VPS9D1: variants seen among roughly 807,000 people sequenced by gnomAD.
VPS9D1 encodes VPS9 domain containing 1, also known as VPS9 domain-containing protein 1.
A neutral mutation model predicts 75.8 loss-of-function variants in VPS9D1; 78 were observed. The observed-to-expected ratio is 1.03, with a 90% CI of 0.86 to 1.24. The LOEUF is 1.24. Among genes scored for constraint, VPS9D1 ranks in the 50% most tolerant of loss-of-function variants. The pLI, the probability that VPS9D1 is intolerant of heterozygous loss-of-function variation, is 0.00. For missense variants in VPS9D1, 1,057 were observed against 847.7 expected (o/e 1.25, Z -3.07); for synonymous variants, 481 against 385.6 (o/e 1.25, Z -2.90).
intron 1 of VPS9D1, 184 bp downstream of exon 1, chr16:89,720,579 C>G: frequency 8.2e-7 from 1 of 1,218,950 alleles, no homozygotes; most frequent in Non-Finnish European, 1.0e-6. Context: ...CTGAGCTGTC[C>G]AAGGTCACTG....
At chr16:89,710,465 TG>T in intron 10 of VPS9D1, 120 bp downstream of exon 10, 3 of 1,090,432 alleles carry the variant, frequency 2.8e-6, no homozygotes, top group Admixed American at 2.9e-5. Context: ...GTGAGCTGGG[TG>T]GATGTAAGTC....
At chr16:89,720,412 T>C in intron 1 of VPS9D1, 1 of 1,016,784 alleles carries the variant, frequency 9.8e-7, no homozygotes, top group Non-Finnish European at 1.2e-6. Flanking sequence ...ATCTACCATC[T>C]CTGCCCAGAA....
At position 89,711,020 on chromosome 16, in the gene VPS9D1, A is replaced by G; in HGVS notation, c.834-10T>C. ...CGGGTGGTCGGGGAGGCTGCGGGAG[A>G]AGAGGACGTGAGAACGCGGCCAGCC... is the stretch of plus-strand genomic sequence containing the variant. On this transcript the variant is annotated splice_polypyrimidine_tract_variant and intron_variant, in intron 9 of 14. Coordinates refer to ENST00000389386, the MANE Select transcript of VPS9D1 (RefSeq NM_004913.3). The G allele has an allele frequency of 1.4e-6, 2 of 1,436,616 alleles. No homozygotes were observed. The highest frequency in any genetic ancestry group is 2.5e-4 in the Middle Eastern group (1 of 4,004). The allele number at this position is 1,436,616 out of a possible 1,614,324, so 89.0% of individuals were successfully genotyped here.
chr16:89,708,365 G>C, intron 14 of VPS9D1, 62 bp downstream of exon 14: 1 of 1,489,336 alleles, frequency 6.7e-7, no homozygotes, highest in South Asian at 1.2e-5. Context: ...CACCGTTTAG[G>C]TTGAGGGATG....
At chr16:89,711,105 G>A (rs1335192738) in intron 9 of VPS9D1, 95 bp from the exon 10 acceptor site, 1 of 1,307,212 alleles carries the variant, frequency 7.6e-7, no homozygotes, top group Non-Finnish European at 1.0e-6. Context: ...GAAGCGACTT[G>A]CATTACCTCC....
chr16:89,715,709 CTT>C (rs1323784151), intron 4 of VPS9D1, among the ~76,000 whole-genome samples: 2 of 150,568 alleles, frequency 1.3e-5, no homozygotes, highest in Non-Finnish European at 3.0e-5. Context: ...GAGTTTCACT[CTT>C]GTTGCCCAGG....
intron 8 of VPS9D1, 33 bp from the exon 9 acceptor site, chr16:89,711,445 G>T (rs1293618618): frequency 3.8e-5 from 60 of 1,572,394 alleles, no homozygotes; most frequent in Non-Finnish European, 5.1e-5. Context: ...GGAAAGCACG[G>T]TGGGTCCGCC....
At position 89,719,108 on chromosome 16, in the gene VPS9D1, TC is replaced by T. The variant is rs2061167667; in HGVS notation, c.100-7del. On this transcript the variant is annotated splice_region_variant and splice_polypyrimidine_tract_variant and intron_variant, in intron 1 of 14. Transcript: ENST00000389386. ...AGGTATTCCGTGTATGCCTCCTGTG[TC>T]CAGGAAAGAGAAAGAGTGGGGTCAG... 6.2e-7 allele frequency: 1 copy of T among 1,613,196 alleles called. No individual in the cohort carries two copies. Among genetic ancestry groups the T allele is most frequent in the African/African-American group, 1.3e-5 (1 of 74,924 alleles).
chr16:89,711,709 C>T (rs1160197439), intron 8 of VPS9D1, 173 bp downstream of exon 8: 3 of 836,822 alleles, frequency 3.6e-6, no homozygotes, highest in African/African-American at 3.5e-5. Flanking sequence ...CCCCGCCCCA[C>T]GCAGCCCTGG....
In VPS9D1 at chr16:89,714,282, C is replaced by A. The variant is rs545531567; in HGVS notation, c.432-1566G>T. Among the ~76,000 whole-genome samples, 15 of 151,984 alleles carry A rather than the reference C, an allele frequency of 9.9e-5. No homozygotes were observed. In the South Asian group the frequency reaches 2.9e-3, roughly 30 times the overall value. On this transcript the variant is annotated intron_variant, in intron 4 of 14. Transcript: ENST00000389386. Reference sequence around the variant, plus strand: ...GCTCATCGGCTGTTGTTAGTGTTAGCGTATTTTATGTGTGGCCCAAGACAA... The same window carrying A: ...GCTCATCGGCTGTTGTTAGTGTTAGAGTATTTTATGTGTGGCCCAAGACAA...
Position 89,710,939 on chromosome 16 carries a change from G to A in VPS9D1, c.905C>T (p.Ala302Val). ...QCSVYSALYP[A>V]VSRAAAPAPG... ...GGCTGGCGCGGCTGCTCTGCTCACG[G>A]CGGGATACAGGGCGCTGTACACGGA... is the stretch of plus-strand genomic sequence containing the variant. Residue 302 changes from alanine (A) to valine (V), a missense_variant, in exon 10 of 15, where the codon GCC becomes GTC. Coordinates refer to ENST00000389386, the MANE Select transcript of VPS9D1 (RefSeq NM_004913.3). The A allele has an allele frequency of 6.8e-7, 1 of 1,480,202 alleles. No individual in the cohort carries two copies. Among genetic ancestry groups the A allele is most frequent in the South Asian group, 1.3e-5 (1 of 74,630 alleles). 91.7% of individuals were successfully genotyped at this position (1,480,202 alleles called of 1,614,324 possible).
At chr16:89,709,025 G>GGCCCCCCCCCCCCCCCCCCCCC in intron 12 of VPS9D1, 69 bp from the exon 13 acceptor site, 1 of 627,188 alleles carries the variant, frequency 1.6e-6, no homozygotes, top group Non-Finnish European at 2.0e-6. Context: ...CTTATACCCC[G>GGCCCCCCCCCCCCCCCCCCCCC]CCCACCCACC....
At position 89,708,538 on chromosome 16, in the gene VPS9D1, G is replaced by T; in HGVS notation, c.1698-7C>A. On this transcript the variant is annotated splice_region_variant and splice_polypyrimidine_tract_variant and intron_variant, in intron 13 of 14. Transcript: ENST00000389386. ...CAGCAGGTCATCGGCACCACTGTCG[G>T]GAGGGCATAGCGGCCTTGGGTTGGG... 6.2e-7 allele frequency: 1 copy of T among 1,611,450 alleles called. No individual in the cohort carries two copies. Among genetic ancestry groups the T allele is most frequent in the Non-Finnish European group, 8.5e-7 (1 of 1,179,238 alleles).
intron 6 of VPS9D1, 145 bp downstream of exon 6, chr16:89,712,315 C>T (rs73260730): frequency 7.3e-7 from 1 of 1,374,838 alleles, no homozygotes. Flanking sequence ...TCCCCTGAGA[C>T]CCTGCCTCTG....
intron 8 of VPS9D1, 39 bp downstream of exon 8, chr16:89,711,843 G>C: frequency 6.5e-7 from 1 of 1,542,970 alleles, no homozygotes; most frequent in Non-Finnish European, 8.8e-7. Context: ...CCCCCTCGCT[G>C]GGCTCCTCCT....
intron 4 of VPS9D1, among the ~76,000 whole-genome samples, chr16:89,715,442 G>C (rs912699809): frequency 4.0e-5 from 6 of 151,716 alleles, no homozygotes; most frequent in Non-Finnish European, 8.8e-5. Flanking sequence ...TGGCCAGGAT[G>C]GTCTCGATCT....
intron 9 of VPS9D1, among the ~76,000 whole-genome samples, 155 bp from the exon 10 acceptor site, chr16:89,711,165 G>A (rs1278013406): frequency 6.6e-6 from 1 of 151,918 alleles, no homozygotes; most frequent in African/African-American, 2.4e-5. Context: ...GGGGAGGTTG[G>A]AGAAGCCGAG....
At chr16:89,716,203 A>C (rs1230592508) in intron 4 of VPS9D1, among the ~76,000 whole-genome samples, 1 of 149,954 alleles carries the variant, frequency 6.7e-6, no homozygotes, top group African/African-American at 2.5e-5. Context: ...CGTCTCTACT[A>C]AAAATACAAA....
rs200733163 is a variant in VPS9D1, at chr16:89,709,870, C to T, written c.1295G>A (p.Gly432Asp). Residue 432 changes from glycine to aspartate, a missense_variant, in exon 11 of 15, where the codon GGC becomes GAC. Gly to Asp is a moderately conservative substitution (Grantham distance 94). Coordinates refer to ENST00000389386, the MANE Select transcript of VPS9D1 (RefSeq NM_004913.3). ...GTCCTTGGAGGCAGCTGTGTTTAGG[C>T]CTTCGAAGGCCAGAAGGGTCAGCGA... Reference protein sequence around the residue: ...LLSLTLLAFEGLNTAASKDRC... With the variant: ...LLSLTLLAFEDLNTAASKDRC... The T allele has an allele frequency of 1.5e-4, 245 of 1,613,194 alleles. No homozygotes were observed. Among genetic ancestry groups the T allele is most frequent in the Non-Finnish European group, 1.9e-4 (225 of 1,179,700 alleles).
Sources: allele counts gnomAD v4.1 joint callset (sites outside exome capture counted in the v4.1 genomes callset), GRCh38; gene constraint gnomAD v4.1.1; transcripts MANE v1.5; gene names NCBI Gene and HGNC (gene_info 2026-07-23, HGNC 2026-07-21).